The following BORA variants were observed in gnomAD, a reference collection of about 807,000 sequenced individuals.
The protein encoded by BORA is BORA aurora kinase A activator, also known as protein aurora borealis.
In BORA, 26 loss-of-function variants were observed where a neutral mutation model predicts 55.8. The ratio of observed to expected loss-of-function variants is 0.47; its 90% confidence interval spans 0.34 to 0.65. The LOEUF is 0.65. BORA is among the 30% of genes least tolerant of loss of function. The probability of loss-of-function intolerance (pLI) is 0.01; values close to 1 mark genes in which losing one functional copy is unlikely to be tolerated. For missense variants in BORA, 568 were observed against 671.5 expected, an observed-to-expected ratio of 0.85 and a Z score of 1.70; for synonymous variants, 201 against 216.9, an observed-to-expected ratio of 0.93 and a Z score of 0.64.
At chr13:72,728,238 CTT>C (rs1234155257) in intron 1 of BORA, 1 of 712,134 alleles carries the variant, frequency 1.4e-6, no homozygotes, top group South Asian at 1.5e-5. Context: ...GAAGTAGACT[CTT>C]TTCCACCCCA....
At chr13:72,731,158 T>C (rs924843421) in intron 2 of BORA, 123 bp from the exon 3 acceptor site, 2 of 645,818 alleles carry the variant, frequency 3.1e-6, no homozygotes, top group Non-Finnish European at 5.3e-6. Flanking sequence ...AAGTCAAATT[T>C]TAAAATACAA....
At chr13:72,738,422 C>A (rs950147768) in intron 5 of BORA, among the ~76,000 whole-genome samples, 10 of 152,068 alleles carry the variant, frequency 6.6e-5, no homozygotes, top group Admixed American at 5.2e-4. Context: ...TGCTAATTTG[C>A]TGATTTCTTA....
At position 72,747,021 on chromosome 13, in the gene BORA, TGGCA is replaced by T; in HGVS notation, c.1393_1396del (p.Gly465LeufsTer72). On this transcript the variant is annotated frameshift_variant, in exon 10 of 12. Coordinates refer to ENST00000390667, the MANE Select transcript of BORA (RefSeq NM_024808.5). LOFTEE classifies it high-confidence loss of function. ...GTTTACCCATGACTGATTTTGTAAGTGGCATTGCCTTCAGTATTGAAAACTCTCA... is the reference window on the plus strand; with the variant it reads ...GTTTACCCATGACTGATTTTGTAAGTTTGCCTTCAGTATTGAAAACTCTCA... 1 of 1,614,118 alleles carries T rather than the reference TGGCA, an allele frequency of 6.2e-7. No individual in the cohort carries two copies. The highest frequency in any genetic ancestry group is 1.1e-5 in the South Asian group (1 of 91,086).
At chr13:72,738,751 A>G (rs1268659627) in intron 5 of BORA, among the ~76,000 whole-genome samples, 1 of 152,222 alleles carries the variant, frequency 6.6e-6, no homozygotes, top group East Asian at 1.9e-4. Flanking sequence ...TAATAATACA[A>G]CAATAATAGG....
In BORA at chr13:72,755,961, A is replaced by G. The variant is rs1014041202; in HGVS notation, c.*745A>G. On this transcript the variant is annotated 3_prime_UTR_variant, in exon 12 of 12. Coordinates refer to ENST00000390667, the MANE Select transcript of BORA (RefSeq NM_024808.5). ...AGAATAAGAATGTGGGAGAACCAAG[A>G]GAAAAAGTGGGGCTGGGAGAGTGGA... 3 of 398,502 alleles carry G rather than the reference A, an allele frequency of 7.5e-6. No individual in the cohort carries two copies. Among genetic ancestry groups the G allele is most frequent in the African/African-American group, 4.1e-5 (2 of 48,626 alleles). 24.7% of individuals were successfully genotyped at this position (398,502 alleles called of 1,614,324 possible).
At chr13:72,749,148 C>T (rs1186257375) in intron 10 of BORA, among the ~76,000 whole-genome samples, 2 of 152,102 alleles carry the variant, frequency 1.3e-5, no homozygotes, top group Non-Finnish European at 2.9e-5. Context: ...ATCATGTGTC[C>T]GTCTCTCACA....
At position 72,728,006 on chromosome 13, in the gene BORA, C is replaced by A; in HGVS notation, c.-17C>A. On this transcript the variant is annotated splice_region_variant and 5_prime_UTR_variant, in exon 1 of 12. Coordinates refer to ENST00000390667, the MANE Select transcript of BORA (RefSeq NM_024808.5). ...ACTGGGGGCTTCGTTTTGTACGCAC[C>A]GGTAGGTACGCTCTTTGTGGTCCCT... 1 of 1,477,926 alleles carries A rather than the reference C, an allele frequency of 6.8e-7. No homozygotes were observed. Among genetic ancestry groups the A allele is most frequent in the Non-Finnish European group, 9.0e-7 (1 of 1,111,786 alleles). 91.6% of individuals were successfully genotyped at this position (1,477,926 alleles called of 1,614,324 possible). A position where few individuals can be genotyped will look rare whatever the true frequency, so the allele number is the denominator to read the frequency against.
At chr13:72,742,798 ACACACACACACAC>A (rs1319395565) in intron 5 of BORA, among the ~76,000 whole-genome samples, 2 of 137,346 alleles carry the variant, frequency 1.5e-5, no homozygotes, top group Non-Finnish European at 3.0e-5. Flanking sequence ...ACACACACAC[ACACACACACACAC>A]AAAATGGAAT....
At chr13:72,747,181 G>A in intron 10 of BORA, 70 bp downstream of exon 10, 7 of 1,488,514 alleles carry the variant, frequency 4.7e-6, no homozygotes, top group Non-Finnish European at 6.3e-6. Flanking sequence ...TAAGATTATA[G>A]TATAAGAAAG....
Position 72,755,510 on chromosome 13 carries a change from T to C in BORA, c.*294T>C. 5.0e-6 allele frequency: 2 copies of C among 398,560 alleles called. No homozygotes were observed. Among genetic ancestry groups the C allele is most frequent in the African/African-American group, 2.0e-5 (1 of 49,166 alleles). The allele number at this position is 398,560 out of a possible 1,614,324, so 24.7% of individuals were successfully genotyped here. A position where few individuals can be genotyped will look rare whatever the true frequency, so the allele number is the denominator to read the frequency against. Reference sequence around the variant, plus strand: ...AGCTGAGTGCTCCTATCTTACAGGGTCAATGAACTACTTATTAAGCCTTAC... The same window carrying C: ...AGCTGAGTGCTCCTATCTTACAGGGCCAATGAACTACTTATTAAGCCTTAC... On this transcript the variant is annotated 3_prime_UTR_variant, in exon 12 of 12. Transcript: ENST00000390667.
In BORA at chr13:72,755,507, G is replaced by A. The variant is rs2033436105; in HGVS notation, c.*291G>A. ...CAGAGCTGAGTGCTCCTATCTTACA[G>A]GGTCAATGAACTACTTATTAAGCCT... is the stretch of plus-strand genomic sequence containing the variant. On this transcript the variant is annotated 3_prime_UTR_variant, in exon 12 of 12. Transcript: ENST00000390667. The A allele has an allele frequency of 7.3e-6, 3 of 409,904 alleles. No homozygotes were observed. The highest frequency in any genetic ancestry group is 9.3e-5 in the South Asian group (2 of 21,410). 25.4% of individuals were successfully genotyped at this position (409,904 alleles called of 1,614,324 possible). A position where few individuals can be genotyped will look rare whatever the true frequency, so the allele number is the denominator to read the frequency against.
chr13:72,753,117 G>C (rs921460790), intron 10 of BORA: 1 of 152,202 alleles, frequency 6.6e-6, no homozygotes, highest in Non-Finnish European at 1.5e-5. Flanking sequence ...GGCCTTTTTA[G>C]ACACTCAATA....
At chr13:72,753,519 C>G (rs187744255) in intron 10 of BORA, 171 bp from the exon 11 acceptor site, 2 of 623,222 alleles carry the variant, frequency 3.2e-6, no homozygotes, top group Non-Finnish European at 5.4e-6. Flanking sequence ...CAGTACTATG[C>G]AGGACTACCT....
In BORA at chr13:72,746,820, A is replaced by C; in HGVS notation, c.1191A>C (p.Thr397=). ...QFSNEASTHG[T]HLVVTAMSVT... ...GTAATGAGGCTTCTACCCATGGTAC[A>C]CATTTGGTTGTGACTGCCATGTCTG... Residue 397 remains threonine (T), a synonymous_variant, in exon 10 of 12, where the codon ACA becomes ACC. Coordinates refer to ENST00000390667, the MANE Select transcript of BORA (RefSeq NM_024808.5). 6.2e-7 allele frequency: 1 copy of C among 1,614,158 alleles called. No homozygotes were observed. Among genetic ancestry groups the C allele is most frequent in the South Asian group, 1.1e-5 (1 of 91,088 alleles).
At chr13:72,745,306 T>A in intron 8 of BORA, 99 bp downstream of exon 8, 1 of 1,018,358 alleles carries the variant, frequency 9.8e-7, no homozygotes, top group Non-Finnish European at 1.4e-6. Context: ...CCTGAAGCCA[T>A]GGTTGCTTTC....
At position 72,755,793 on chromosome 13, in the gene BORA, T is replaced by A; in HGVS notation, c.*577T>A. 2.5e-6 allele frequency: 1 copy of A among 398,360 alleles called. No individual in the cohort carries two copies. The highest frequency in any genetic ancestry group is 4.4e-6 in the Non-Finnish European group (1 of 226,028). 24.7% of individuals were successfully genotyped at this position (398,360 alleles called of 1,614,324 possible). On this transcript the variant is annotated 3_prime_UTR_variant, in exon 12 of 12. Coordinates refer to ENST00000390667, the MANE Select transcript of BORA (RefSeq NM_024808.5). ...CTGTTCTAGTTACTACTTTTAAGTA[T>A]GTAAATACTAGAAAGGTAGTACTAG...
chr13:72,731,562 T>G (rs146136998), intron 3 of BORA, among the ~76,000 whole-genome samples, 175 bp downstream of exon 3: 10 of 152,358 alleles, frequency 6.6e-5, no homozygotes, highest in African/African-American at 2.4e-4. Context: ...AAGATTTTCT[T>G]GCCAACAGTT....
At chr13:72,749,430 A>C (rs2033218057) in intron 10 of BORA, among the ~76,000 whole-genome samples, 1 of 152,060 alleles carries the variant, frequency 6.6e-6, no homozygotes, top group Admixed American at 6.5e-5. Flanking sequence ...TCTTTTCTTG[A>C]ATAATATCTT....
chr13:72,743,512 A>C (rs763993359), intron 5 of BORA, 25 bp from the exon 6 acceptor site: 1 of 1,560,756 alleles, frequency 6.4e-7, no homozygotes, highest in Non-Finnish European at 8.8e-7. Context: ...AAAACATAGG[A>C]TTTTTCACTT....
Sources: gnomAD v4.1 joint callset for allele counts (sites outside exome capture counted in the v4.1 genomes callset) on GRCh38, gnomAD v4.1.1 for gene constraint, MANE v1.5 for transcripts, NCBI Gene and HGNC (gene_info 2026-07-23, HGNC 2026-07-21) for gene names.